The following BTRC variants were observed in gnomAD, a reference collection of about 807,000 sequenced individuals.
BTRC encodes beta-transducin repeat containing E3 ubiquitin protein ligase.
In BTRC, 42 loss-of-function variants were observed where a neutral mutation model predicts 85.5. That is an observed-to-expected ratio of 0.49 (90% confidence interval 0.38 to 0.64). The LOEUF (loss-of-function observed/expected upper bound fraction) is 0.64. Among genes scored for constraint, BTRC ranks in the 30% least tolerant of loss-of-function variants. The probability of loss-of-function intolerance (pLI) is 0.00; values close to 1 mark genes in which losing one functional copy is unlikely to be tolerated. For missense variants in BTRC, 594 were observed against 743.5 expected (o/e 0.80, Z 2.34); for synonymous variants, 255 against 263.3 (o/e 0.97, Z 0.30).
At chr10:101,431,168 C>T (rs1424565001) in intron 2 of BTRC, among the ~76,000 whole-genome samples, 2 of 150,654 alleles carry the variant, frequency 1.3e-5, no homozygotes, top group Non-Finnish European at 2.9e-5. Context: ...CCTGCGCCTC[C>T]TGGGTTCAAG....
At chr10:101,534,111 A>G (rs748142693) in intron 9 of BTRC, among the ~76,000 whole-genome samples, 7 of 152,244 alleles carry the variant, frequency 4.6e-5, no homozygotes, top group Admixed American at 1.3e-4. Flanking sequence ...CTCTGCTGTG[A>G]AGCCCATATT....
chr10:101,368,066 A>G (rs1942521503), intron 1 of BTRC, among the ~76,000 whole-genome samples: 1 of 152,146 alleles, frequency 6.6e-6, no homozygotes, highest in African/African-American at 2.4e-5. Flanking sequence ...TTTGATCTCC[A>G]GTGTTGGAGG....
intron 3 of BTRC, among the ~76,000 whole-genome samples, chr10:101,472,011 TC>T (rs1254754087): frequency 6.6e-6 from 1 of 152,212 alleles, no homozygotes; most frequent in African/African-American, 2.4e-5. Context: ...TCTTATAGTT[TC>T]CCTGGTCAGT....
intron 3 of BTRC, among the ~76,000 whole-genome samples, chr10:101,468,939 C>T (rs1257253847): frequency 6.6e-6 from 1 of 152,160 alleles, no homozygotes; most frequent in Non-Finnish European, 1.5e-5. Context: ...AAAAATTAAA[C>T]TCTTTAAAAT....
At chr10:101,446,031 G>T (rs183554218) in intron 2 of BTRC, among the ~76,000 whole-genome samples, 114 of 152,174 alleles carry the variant, frequency 7.5e-4, no homozygotes, top group African/African-American at 2.7e-3. Flanking sequence ...TCACTGCTTT[G>T]AATGTCTTAT....
At chr10:101,461,743 A>G (rs1420203827) in intron 2 of BTRC, among the ~76,000 whole-genome samples, 2 of 152,208 alleles carry the variant, frequency 1.3e-5, no homozygotes, top group East Asian at 1.9e-4. Context: ...CTCCTACACA[A>G]TGCTTAAAGA....
intron 3 of BTRC, among the ~76,000 whole-genome samples, chr10:101,476,080 G>C (rs1393123008): frequency 6.6e-6 from 1 of 151,680 alleles, no homozygotes; most frequent in Non-Finnish European, 1.5e-5. Flanking sequence ...TGCAGTGAGA[G>C]GGGCACATCA....
At chr10:101,519,934 G>A (rs1262600615) in intron 4 of BTRC, among the ~76,000 whole-genome samples, 2 of 152,070 alleles carry the variant, frequency 1.3e-5, no homozygotes, top group Non-Finnish European at 2.9e-5. Flanking sequence ...GGCAGAGGTT[G>A]CAGTGAGCCG....
chr10:101,377,043 G>C (rs745579743), intron 1 of BTRC, among the ~76,000 whole-genome samples: 1 of 152,032 alleles, frequency 6.6e-6, no homozygotes, highest in Non-Finnish European at 1.5e-5. Flanking sequence ...AAGAACAATT[G>C]TATCACTCCC....
chr10:101,544,309 C>A (rs1359906898), intron 13 of BTRC, among the ~76,000 whole-genome samples: 2 of 152,032 alleles, frequency 1.3e-5, no homozygotes, highest in African/African-American at 4.8e-5. Flanking sequence ...CTATTTCCAT[C>A]TGATACATTT....
At chr10:101,416,210 A>C (rs1215268129) in intron 1 of BTRC, among the ~76,000 whole-genome samples, 1 of 152,162 alleles carries the variant, frequency 6.6e-6, no homozygotes, top group Non-Finnish European at 1.5e-5. Context: ...TAGGCTGAAT[A>C]ATATTCCATT....
At chr10:101,442,918 G>A (rs1306977568) in intron 2 of BTRC, among the ~76,000 whole-genome samples, 5 of 138,334 alleles carry the variant, frequency 3.6e-5, no homozygotes, top group African/African-American at 8.4e-5. Context: ...TTGAGACGGA[G>A]TCTCGCTCTG....
intron 1 of BTRC, among the ~76,000 whole-genome samples, chr10:101,368,415 C>T (rs1942532564): frequency 6.7e-6 from 1 of 148,356 alleles, no homozygotes; most frequent in African/African-American, 2.5e-5. Context: ...TCCATTATAG[C>T]AACGTAAATG....
intron 1 of BTRC, 138 bp from the exon 2 acceptor site, chr10:101,430,207 G>A: frequency 3.8e-6 from 2 of 529,516 alleles, no homozygotes; most frequent in African/African-American, 2.0e-5. Context: ...CCAGTAAGTA[G>A]TGTGTTTCTT....
At position 101,490,343 on chromosome 10, in the gene BTRC, T is replaced by G. The variant is rs572523028; in HGVS notation, c.324+10886T>G. ...GGAGAGAGAATACATTAAAATGTATTCAGCCCCAGTGTTCAGGCACTATAT... is the reference window on the plus strand; with the variant it reads ...GGAGAGAGAATACATTAAAATGTATGCAGCCCCAGTGTTCAGGCACTATAT... On this transcript the variant is annotated intron_variant, in intron 4 of 14. Transcript: ENST00000370187. Among the ~76,000 whole-genome samples, 7 of 152,266 alleles carry G rather than the reference T, an allele frequency of 4.6e-5. No homozygotes were observed. The East Asian group carries it at 1.4e-3, about 29-fold the overall frequency.
intron 13 of BTRC, among the ~76,000 whole-genome samples, chr10:101,539,567 A>G (rs2062436465): frequency 6.6e-6 from 1 of 152,214 alleles, no homozygotes; most frequent in African/African-American, 2.4e-5. Flanking sequence ...ATTCTATTGT[A>G]TGGTTATACC....
At chr10:101,404,357 TTTAAAG>T (rs1412965603) in intron 1 of BTRC, among the ~76,000 whole-genome samples, 1 of 152,014 alleles carries the variant, frequency 6.6e-6, no homozygotes, top group Non-Finnish European at 1.5e-5. Context: ...AGTCTTTGCC[TTTAAAG>T]TTAATTTCAC....
chr10:101,420,994 T>C (rs1944085850), intron 1 of BTRC, among the ~76,000 whole-genome samples: 1 of 150,178 alleles, frequency 6.7e-6, no homozygotes, highest in Admixed American at 6.7e-5. Context: ...ATATTTTTCT[T>C]ACATACTAGA....
At chr10:101,426,399 T>A (rs763118583) in intron 1 of BTRC, among the ~76,000 whole-genome samples, 19 of 152,218 alleles carry the variant, frequency 1.2e-4, no homozygotes, top group Non-Finnish European at 2.1e-4. Flanking sequence ...CGGGAATGCA[T>A]CCTCTGTGTG....
Sources: allele counts gnomAD v4.1 joint callset (sites outside exome capture counted in the v4.1 genomes callset), GRCh38; gene constraint gnomAD v4.1.1; transcripts MANE v1.5; gene names NCBI Gene and HGNC (gene_info 2026-07-23, HGNC 2026-07-21).